The following RASL11A variants were observed in gnomAD, a reference collection of about 807,000 sequenced individuals.
RASL11A encodes the protein ras-like protein family member 11A.
In RASL11A, 14 loss-of-function variants were observed where a neutral mutation model predicts 17.1. The ratio of observed to expected loss-of-function variants is 0.82; its 90% CI spans 0.54 to 1.28. The LOEUF (loss-of-function observed/expected upper bound fraction) is 1.28. Among genes scored for constraint, RASL11A ranks in the 50% most tolerant of loss-of-function variants. The pLI, the probability that RASL11A is intolerant of heterozygous loss-of-function variation, is 0.00. For synonymous variants in RASL11A, 146 were observed against 132.5 expected (o/e 1.10, Z -0.70); for missense variants, 283 against 312.3 (o/e 0.91, Z 0.71).
rs1457643404 is a variant in RASL11A, at chr13:27,273,592, A to T, written c.*98A>T. ...AATCACACATTCAGAGTTTATTTTT[A>T]TAAAAAAATTGATTTTCAAGTACAT... On this transcript the variant is annotated 3_prime_UTR_variant, in exon 4 of 4. Transcript: ENST00000241463. The T allele has an allele frequency of 7.5e-6, 7 of 930,358 alleles. No homozygotes were observed. Among genetic ancestry groups the T allele is most frequent in the Non-Finnish European group, 1.1e-5 (7 of 640,590 alleles). 57.6% of individuals were successfully genotyped at this position (930,358 alleles called of 1,614,324 possible).
rs181153777 is a variant in RASL11A at position 27,273,012 on chromosome 13, T to C, written c.262-15T>C. The C allele has an allele frequency of 6.2e-7, 1 of 1,605,150 alleles. No homozygotes were observed. The highest frequency in any genetic ancestry group is 1.3e-5 in the African/African-American group (1 of 74,850). Reference sequence around the variant, plus strand: ...AGGGTTTCCTTGACTGGATCTCATTTTGATGTTTTCTCAGATCCAAGACAG... The same window carrying C: ...AGGGTTTCCTTGACTGGATCTCATTCTGATGTTTTCTCAGATCCAAGACAG... On this transcript the variant is annotated splice_polypyrimidine_tract_variant and intron_variant, in intron 3 of 3. Coordinates refer to ENST00000241463, the MANE Select transcript of RASL11A (RefSeq NM_206827.2).
At position 27,273,322 on chromosome 13, in the gene RASL11A, G is replaced by A; in HGVS notation, c.557G>A (p.Cys186Tyr). 1 of 1,614,116 alleles carries A rather than the reference G, an allele frequency of 6.2e-7. No homozygotes were observed. The highest frequency in any genetic ancestry group is 8.5e-7 in the Non-Finnish European group (1 of 1,179,956). ...ISTSENYEDV[C>Y]DVFQHLCKEV... ...ACTAGCGAAAACTACGAAGATGTCT[G>A]TGATGTGTTTCAGCATCTCTGCAAA... Residue 186 changes from cysteine (C) to tyrosine (Y), a missense_variant, in exon 4 of 4, where the codon TGT becomes TAT. Coordinates refer to ENST00000241463, the MANE Select transcript of RASL11A (RefSeq NM_206827.2).
chr13:27,272,231 T>G (rs542213398), intron 3 of RASL11A, among the ~76,000 whole-genome samples: 2 of 152,210 alleles, frequency 1.3e-5, no homozygotes. Context: ...TCTCCTCGAT[T>G]CTCCTGCTTC....
intron 3 of RASL11A, 101 bp downstream of exon 3, chr13:27,271,819 G>T: frequency 1.0e-6 from 1 of 966,538 alleles, no homozygotes; most frequent in South Asian, 1.5e-5. Context: ...GTCTGAGCAA[G>T]GCATCTAAAC....
At position 27,270,970 on chromosome 13, in the gene RASL11A, A is replaced by T; in HGVS notation, c.26A>T (p.His9Leu). Residue 9 changes from histidine to leucine, a missense_variant, in exon 1 of 4, where the codon CAC becomes CTC. Coordinates refer to ENST00000241463, the MANE Select transcript of RASL11A (RefSeq NM_206827.2). ...ATGCGGCCGCTCAGCATGTCCGGGC[A>T]CTTTCTGCTCGCACCCATCCCCGAG... MRPLSMSG[H>L]FLLAPIPESS... The T allele has an allele frequency of 6.3e-7, 1 of 1,597,328 alleles. No homozygotes were observed. Among genetic ancestry groups the T allele is most frequent in the South Asian group, 1.1e-5 (1 of 88,130 alleles).
At position 27,271,032 on chromosome 13, in the gene RASL11A, C is replaced by T. The variant is rs1340373777; in HGVS notation, c.88C>T (p.Leu30=). The T allele has an allele frequency of 2.5e-6, 4 of 1,585,276 alleles. No individual in the cohort carries two copies. The East Asian group carries it at 6.9e-5, about 27-fold the overall frequency. The change falls in exon 1 of 4, where the codon CTG becomes TTG. Residue 30 remains leucine, a synonymous_variant. Coordinates refer to ENST00000241463, the MANE Select transcript of RASL11A (RefSeq NM_206827.2). ...SDYLLPKDIK[L]AVLGAGRVGK... ...CTACCTACTGCCCAAGGACATCAAA[C>T]TGGCGGTGCTGGGCGCCGGCCGCGT...
intron 1 of RASL11A, 80 bp from the exon 2 acceptor site, chr13:27,271,404 C>A: frequency 6.3e-7 from 1 of 1,579,590 alleles, no homozygotes; most frequent in Non-Finnish European, 8.7e-7. Flanking sequence ...GCACCCTTCA[C>A]TCCCCCCAGT....
intron 3 of RASL11A, among the ~76,000 whole-genome samples, chr13:27,272,207 T>C (rs896776075): frequency 6.6e-6 from 1 of 152,126 alleles, no homozygotes; most frequent in Admixed American, 6.5e-5. Flanking sequence ...TTCCGCCTCC[T>C]AGGTTCCAGC....
rs9512593 is a variant in RASL11A at position 27,274,934 on chromosome 13, A to G, written c.*1440A>G. On this transcript the variant is annotated 3_prime_UTR_variant, in exon 4 of 4. Transcript: ENST00000241463. ...CCATGAAACAAATTGTTACTTCTGC[A>G]GGGCAAGGACAGGTGTTCTGAGTAA... 0.19 allele frequency among the ~76,000 whole-genome samples: 29,082 copies of G among 152,230 alleles called. 3,504 individuals carry two copies. Among genetic ancestry groups the G allele is most frequent in the Non-Finnish European group, 0.28 (19,332 of 67,990 alleles).
Position 27,271,058 on chromosome 13 carries a change from G to A in RASL11A, c.114G>A (p.Val38=), listed in dbSNP as rs1396423307. The change falls in exon 1 of 4, where the codon GTG becomes GTA. Residue 38 remains valine (V), a synonymous_variant. Transcript: ENST00000241463. Reference sequence around the variant, plus strand: ...TGGCGGTGCTGGGCGCCGGCCGCGTGGGCAAGAGCGGTGAGTGCGGCGGGG... The same window carrying A: ...TGGCGGTGCTGGGCGCCGGCCGCGTAGGCAAGAGCGGTGAGTGCGGCGGGG... ...IKLAVLGAGR[V]GKSAMIVRFL... 6.4e-7 allele frequency: 1 copy of A among 1,574,080 alleles called. No homozygotes were observed. Among genetic ancestry groups the A allele is most frequent in the Non-Finnish European group, 8.6e-7 (1 of 1,159,734 alleles).
rs539953036 is a variant in RASL11A at position 27,274,150 on chromosome 13, A to G, written c.*656A>G. On this transcript the variant is annotated 3_prime_UTR_variant, in exon 4 of 4. Coordinates refer to ENST00000241463, the MANE Select transcript of RASL11A (RefSeq NM_206827.2). ...GTCAGTAAGTGGACCCTACCACCCA[A>G]AAGTTGCCTCAAAATTCTCCTTCCC... is the stretch of plus-strand genomic sequence containing the variant. 1.2e-3 allele frequency among the ~76,000 whole-genome samples: 189 copies of G among 152,216 alleles called. 1 individual carries two copies. The highest frequency in any genetic ancestry group is 2.5e-3 in the Non-Finnish European group (167 of 68,008).
Position 27,270,954 on chromosome 13 carries a change from C to T in RASL11A, c.10C>T (p.Leu4Phe), listed in dbSNP as rs767983147. The change falls in exon 1 of 4, where the codon CTC (leucine) becomes TTC (phenylalanine). Residue 4 changes from leucine (L) to phenylalanine (F), a missense_variant. Physicochemically the swap from Leu to Phe is conservative, Grantham distance 22. Coordinates refer to ENST00000241463, the MANE Select transcript of RASL11A (RefSeq NM_206827.2). ...CCCCGGGACGCGCTCCATGCGGCCG[C>T]TCAGCATGTCCGGGCACTTTCTGCT... MRP[L>F]SMSGHFLLAP... 2 of 1,594,538 alleles carry T rather than the reference C, an allele frequency of 1.3e-6. No individual in the cohort carries two copies. The highest frequency in any genetic ancestry group is 3.4e-5 in the Admixed American group (2 of 58,264).
At chr13:27,272,052 TAAAACAAAAC>T (rs540723786) in intron 3 of RASL11A, among the ~76,000 whole-genome samples, 18 of 152,130 alleles carry the variant, frequency 1.2e-4, no homozygotes, top group African/African-American at 4.1e-4. Context: ...AAAAAACGTT[TAAAACAAAAC>T]AAAACAAAAC....
Position 27,273,681 on chromosome 13 carries a change from T to A in RASL11A, c.*187T>A. 5.5e-6 allele frequency: 2 copies of A among 365,086 alleles called. No homozygotes were observed. The highest frequency in any genetic ancestry group is 3.9e-5 in the East Asian group (1 of 25,490). The allele number at this position is 365,086 out of a possible 1,614,324, so 22.6% of individuals were successfully genotyped here. A position where few individuals can be genotyped will look rare whatever the true frequency, so the allele number is the denominator to read the frequency against. ...CTGGATAAAATTTTGTTTTGTTTTA[T>A]TAAAAGAACTTTTTTTTTTTTTTTT... On this transcript the variant is annotated 3_prime_UTR_variant, in exon 4 of 4. Coordinates refer to ENST00000241463, the MANE Select transcript of RASL11A (RefSeq NM_206827.2).
rs1206698430 is a variant in RASL11A, at chr13:27,273,284, C to G, written c.519C>G (p.Phe173Leu). ...TAGCCAATGAGCTGGGCAGCCTGTT[C>G]CTTGAAATTTCCACTAGCGAAAACT... ...IQLANELGSL[F>L]LEISTSENYE... The change falls in exon 4 of 4, where the codon TTC (phenylalanine) becomes TTG (leucine). Residue 173 changes from phenylalanine (F) to leucine (L), a missense_variant. Coordinates refer to ENST00000241463, the MANE Select transcript of RASL11A (RefSeq NM_206827.2). The G allele has an allele frequency of 6.2e-7, 1 of 1,614,228 alleles. No homozygotes were observed.
In RASL11A at chr13:27,274,064, G is replaced by A. The variant is rs1334277783; in HGVS notation, c.*570G>A. Among the ~76,000 whole-genome samples, 1 of 152,120 alleles carries A rather than the reference G, an allele frequency of 6.6e-6. No individual in the cohort carries two copies. The highest frequency in any genetic ancestry group is 6.5e-5 in the Admixed American group (1 of 15,270). On this transcript the variant is annotated 3_prime_UTR_variant, in exon 4 of 4. Coordinates refer to ENST00000241463, the MANE Select transcript of RASL11A (RefSeq NM_206827.2). ...CAAGCCATGAGTAACATTTATTGGT[G>A]CAAATGCAAGTTTATACTCTACCCA...
At position 27,273,269 on chromosome 13, in the gene RASL11A, G is replaced by A; in HGVS notation, c.504G>A (p.Glu168=). 1 of 1,614,244 alleles carries A rather than the reference G, an allele frequency of 6.2e-7. No individual in the cohort carries two copies. The highest frequency in any genetic ancestry group is 1.7e-5 in the Admixed American group (1 of 60,032). ...AGGACGGTATTCAGCTAGCCAATGA[G>A]CTGGGCAGCCTGTTCCTTGAAATTT... ...QTQDGIQLAN[E]LGSLFLEIST... Residue 168 remains glutamate (E), a synonymous_variant, in exon 4 of 4, where the codon GAG becomes GAA. Transcript: ENST00000241463.
intron 1 of RASL11A, 152 bp from the exon 2 acceptor site, chr13:27,271,332 G>T: frequency 1.3e-6 from 2 of 1,487,418 alleles, no homozygotes; most frequent in East Asian, 2.4e-5. Flanking sequence ...TCGTACTCGC[G>T]GCCAAGCCCG....
chr13:27,274,792 T>A lies in RASL11A; in HGVS notation c.*1298T>A, dbSNP rs1305125856. Among the ~76,000 whole-genome samples, 1 of 152,238 alleles carries A rather than the reference T, an allele frequency of 6.6e-6. No homozygotes were observed. The highest frequency in any genetic ancestry group is 2.4e-5 in the African/African-American group (1 of 41,466). ...GCAGTAGCTGCATTTTATGATCCTGTCTTCCAATCTTCTAGTTCAGTGCTT... is the reference window on the plus strand; with the variant it reads ...GCAGTAGCTGCATTTTATGATCCTGACTTCCAATCTTCTAGTTCAGTGCTT... On this transcript the variant is annotated 3_prime_UTR_variant, in exon 4 of 4. Coordinates refer to ENST00000241463, the MANE Select transcript of RASL11A (RefSeq NM_206827.2).
Sources: allele counts gnomAD v4.1 joint callset (sites outside exome capture counted in the v4.1 genomes callset), GRCh38; gene constraint gnomAD v4.1.1; transcripts MANE v1.5; gene names NCBI Gene and HGNC (gene_info 2026-07-23, HGNC 2026-07-21).